Variants in PGM5 observed in about 807,000 individuals in gnomAD.
The protein encoded by PGM5 is phosphoglucomutase-like protein 5.
In PGM5, 23 loss-of-function variants were observed where a neutral mutation model predicts 59.2. That is an observed-to-expected ratio of 0.39 (90% CI 0.28 to 0.55). The LOEUF (loss-of-function observed/expected upper bound fraction) is 0.55. PGM5 is among the 20% of genes least tolerant of loss of function. The pLI, the probability that PGM5 is intolerant of heterozygous loss-of-function variation, is 0.66. For missense variants in PGM5, 574 were observed against 748.3 expected (o/e 0.77, Z 2.72); for synonymous variants, 214 against 286.0 (o/e 0.75, Z 2.54).
chr9:68,375,605 C>T (rs564442562), intron 1 of PGM5, among the ~76,000 whole-genome samples: 2 of 152,218 alleles, frequency 1.3e-5, no homozygotes, highest in Non-Finnish European at 2.9e-5. Flanking sequence ...ATTTATTGTA[C>T]GCTTACCACA....
intron 6 of PGM5, among the ~76,000 whole-genome samples, chr9:68,410,862 T>G (rs560074425): frequency 1.3e-5 from 2 of 152,316 alleles, no homozygotes; most frequent in East Asian, 3.9e-4. Flanking sequence ...CGTATTAAAA[T>G]GTCTAGAAAG....
chr9:68,358,254 C>A (rs1389936224), intron 1 of PGM5, among the ~76,000 whole-genome samples: 1 of 152,162 alleles, frequency 6.6e-6, no homozygotes, highest in Non-Finnish European at 1.5e-5. Flanking sequence ...TCCTTGTTTT[C>A]TCTCCCTTCT....
intron 1 of PGM5, among the ~76,000 whole-genome samples, chr9:68,372,575 A>T (rs1387785350): frequency 2.0e-5 from 3 of 152,166 alleles, no homozygotes; most frequent in African/African-American, 7.2e-5. Context: ...GTGAATGTCC[A>T]TGTTGTTGAG....
At chr9:68,494,598 T>C (rs1474232442) in intron 9 of PGM5, among the ~76,000 whole-genome samples, 1 of 152,226 alleles carries the variant, frequency 6.6e-6, no homozygotes, top group African/African-American at 2.4e-5. Context: ...CACCACCATT[T>C]TTTAAAGACC....
intron 6 of PGM5, among the ~76,000 whole-genome samples, chr9:68,406,850 T>C (rs1822831230): frequency 6.7e-6 from 1 of 150,306 alleles, no homozygotes; most frequent in Non-Finnish European, 1.5e-5. Flanking sequence ...TCATGAGTAG[T>C]CTCCCGTGCT....
At chr9:68,465,274 G>A in intron 7 of PGM5, 66 bp downstream of exon 7, 1 of 1,063,206 alleles carries the variant, frequency 9.4e-7, no homozygotes, top group South Asian at 1.3e-5. Flanking sequence ...TCAGTTTGGA[G>A]ATCTGTGAAC....
In PGM5 at chr9:68,457,396, C is replaced by A. The variant is rs144924348; in HGVS notation, c.1044-7697C>A. On this transcript the variant is annotated intron_variant, in intron 6 of 10. Transcript: ENST00000396396. ...ATTTGCTTTGGGAACACTGATAATG[C>A]CATTGTATTTCAGTGGATACCCATG... 5.7e-3 allele frequency among the ~76,000 whole-genome samples: 865 copies of A among 152,244 alleles called. 5 individuals carry two copies. Among genetic ancestry groups the A allele is most frequent in the African/African-American group, 0.02 (814 of 41,540 alleles).
intron 7 of PGM5, among the ~76,000 whole-genome samples, chr9:68,472,280 C>T (rs1257056636): frequency 6.6e-6 from 1 of 152,200 alleles, no homozygotes; most frequent in Non-Finnish European, 1.5e-5. Flanking sequence ...CAAACCCAAC[C>T]TTGCTGGCTT....
chr9:68,456,010 G>A lies in PGM5; in HGVS notation c.1044-9083G>A, dbSNP rs371824374. On this transcript the variant is annotated intron_variant, in intron 6 of 10. Coordinates refer to ENST00000396396, the MANE Select transcript of PGM5 (RefSeq NM_021965.4). ...ACAGCTTGTCTAGTGCCTTTCTGAT[G>A]GATAATAGGTTGCTTCTGATTTAGC... 9.2e-5 allele frequency among the ~76,000 whole-genome samples: 14 copies of A among 152,254 alleles called. No homozygotes were observed. In the South Asian group the frequency reaches 2.9e-3, roughly 32 times the overall value.
intron 6 of PGM5, chr9:68,428,976 G>GA (rs1377465609): frequency 1.3e-5 from 2 of 152,270 alleles, no homozygotes; most frequent in East Asian, 3.9e-4. Flanking sequence ...GGTGAGCCTG[G>GA]AAAAATCTCT....
chr9:68,519,502 T>C (rs1211362836), intron 10 of PGM5, among the ~76,000 whole-genome samples: 3 of 151,790 alleles, frequency 2.0e-5, no homozygotes, highest in Admixed American at 6.6e-5. Context: ...TTAAAAAAAA[T>C]AGAAGGAAAT....
At chr9:68,428,278 A>G (rs1823270944) in intron 6 of PGM5, among the ~76,000 whole-genome samples, 1 of 152,198 alleles carries the variant, frequency 6.6e-6, no homozygotes, top group Admixed American at 6.5e-5. Context: ...AGAAACATTA[A>G]TGATTTGCGA....
intron 6 of PGM5, among the ~76,000 whole-genome samples, chr9:68,406,839 C>G (rs1381125992): frequency 2.0e-5 from 3 of 150,128 alleles, no homozygotes; most frequent in Non-Finnish European, 4.4e-5. Context: ...GCAGTGGATT[C>G]TCATGAGTAG....
chr9:68,441,779 G>A (rs184377485), intron 6 of PGM5, among the ~76,000 whole-genome samples: 4 of 152,052 alleles, frequency 2.6e-5, no homozygotes, highest in Admixed American at 2.6e-4. Flanking sequence ...GGAATTAAAA[G>A]GCATATAGGG....
At chr9:68,526,010 C>G (rs1363297142) in intron 10 of PGM5, among the ~76,000 whole-genome samples, 1 of 151,324 alleles carries the variant, frequency 6.6e-6, no homozygotes, top group Non-Finnish European at 1.5e-5. Flanking sequence ...GAGCCAAGAT[C>G]GCGCCACTGC....
At chr9:68,523,137 C>T (rs1824922968) in intron 10 of PGM5, among the ~76,000 whole-genome samples, 1 of 152,242 alleles carries the variant, frequency 6.6e-6, no homozygotes, top group Non-Finnish European at 1.5e-5. Context: ...GCCAGCCTCT[C>T]TATTGGCTGC....
chr9:68,369,380 CACCCAGGTAG>C (rs1834742336), intron 1 of PGM5, among the ~76,000 whole-genome samples: 1 of 152,204 alleles, frequency 6.6e-6, no homozygotes, highest in Non-Finnish European at 1.5e-5. Context: ...TCTTGACCCA[CACCCAGGTAG>C]ACCCAATGGA....
intron 6 of PGM5, 76 bp from the exon 7 acceptor site, chr9:68,465,017 G>T: frequency 1.1e-6 from 1 of 872,322 alleles, no homozygotes; most frequent in East Asian, 2.5e-5. Flanking sequence ...AGATCCTAAA[G>T]ACTTCCTACT....
chr9:68,462,056 C>T (rs1823865477), intron 6 of PGM5, among the ~76,000 whole-genome samples: 1 of 152,064 alleles, frequency 6.6e-6, no homozygotes, highest in African/African-American at 2.4e-5. Context: ...TTCCAACCTA[C>T]GTCACATTTT....
Sources: gnomAD v4.1 joint callset for allele counts (sites outside exome capture counted in the v4.1 genomes callset) on GRCh38, gnomAD v4.1.1 for gene constraint, MANE v1.5 for transcripts, NCBI Gene and HGNC (gene_info 2026-07-23, HGNC 2026-07-21) for gene names.